CPQ: variants seen among roughly 807,000 people sequenced by gnomAD.
The protein encoded by CPQ is carboxypeptidase Q.
CPQ carries 37 observed loss-of-function variants against 45.7 expected under a neutral mutation model. That is an observed-to-expected ratio of 0.81 (90% CI 0.62 to 1.07). The LOEUF is 1.07. CPQ is among the 50% of genes least tolerant of loss of function. The pLI is 0.00. For missense variants in CPQ, 537 were observed against 572.9 expected, an observed-to-expected ratio of 0.94 and a Z score of 0.64; for synonymous variants, 186 against 205.8, an observed-to-expected ratio of 0.90 and a Z score of 0.82.
At chr8:96,951,053 G>T (rs543840997) in intron 4 of CPQ, among the ~76,000 whole-genome samples, 1 of 152,240 alleles carries the variant, frequency 6.6e-6, no homozygotes, top group African/African-American at 2.4e-5. Flanking sequence ...TTCATAAATT[G>T]TTATAGAGTT....
chr8:97,121,344 G>T (rs1586550993), intron 7 of CPQ, among the ~76,000 whole-genome samples: 2 of 152,298 alleles, frequency 1.3e-5, no homozygotes, highest in South Asian at 4.1e-4. Context: ...CAACAGGAAG[G>T]TTGTTGTTGG....
chr8:96,984,904 T>C (rs931284645), intron 5 of CPQ, among the ~76,000 whole-genome samples: 1 of 152,200 alleles, frequency 6.6e-6, no homozygotes, highest in Admixed American at 6.5e-5. Context: ...TTCACTGATA[T>C]GTTTATGAAC....
At chr8:96,736,508 A>G (rs1586379119) in intron 1 of CPQ, among the ~76,000 whole-genome samples, 2 of 152,336 alleles carry the variant, frequency 1.3e-5, no homozygotes, top group South Asian at 4.1e-4. Flanking sequence ...CACTTTTATG[A>G]CAACCTGAAC....
At chr8:96,797,686 G>A (rs1202615993) in intron 2 of CPQ, among the ~76,000 whole-genome samples, 2 of 152,114 alleles carry the variant, frequency 1.3e-5, no homozygotes, top group Non-Finnish European at 2.9e-5. Context: ...GGAGGCCGAG[G>A]CAGATGGATC....
intron 2 of CPQ, among the ~76,000 whole-genome samples, chr8:96,801,270 C>G (rs1381523331): frequency 6.6e-6 from 1 of 152,130 alleles, no homozygotes; most frequent in African/African-American, 2.4e-5. Flanking sequence ...AGCCACCATG[C>G]TGGCCTGAAT....
chr8:96,989,071 T>C (rs983549547), intron 5 of CPQ, among the ~76,000 whole-genome samples: 12 of 152,202 alleles, frequency 7.9e-5, no homozygotes, highest in African/African-American at 2.4e-4. Flanking sequence ...CACCATGCCT[T>C]CTGCACATTG....
At chr8:96,818,776 A>C (rs1175827562) in intron 2 of CPQ, among the ~76,000 whole-genome samples, 2 of 152,160 alleles carry the variant, frequency 1.3e-5, no homozygotes, top group African/African-American at 2.4e-5. Context: ...AACTGATAAC[A>C]TGGAACACAC....
chr8:96,672,271 A>G (rs1809014185), intron 1 of CPQ, among the ~76,000 whole-genome samples: 1 of 152,172 alleles, frequency 6.6e-6, no homozygotes, highest in Admixed American at 6.5e-5. Context: ...GAGGTTGTAT[A>G]GTACACAGTC....
At chr8:96,883,202 G>C (rs139606039) in intron 4 of CPQ, among the ~76,000 whole-genome samples, 1 of 152,230 alleles carries the variant, frequency 6.6e-6, no homozygotes, top group African/African-American at 2.4e-5. Context: ...GTGGTTTCTA[G>C]TTTTTGATTA....
At chr8:97,051,311 A>G (rs1271796266) in intron 6 of CPQ, among the ~76,000 whole-genome samples, 1 of 152,226 alleles carries the variant, frequency 6.6e-6, no homozygotes, top group Non-Finnish European at 1.5e-5. Context: ...TTATTAAAAT[A>G]TAGTTACCAA....
At chr8:97,087,406 G>GT (rs869309286) in intron 7 of CPQ, among the ~76,000 whole-genome samples, 1 of 120,064 alleles carries the variant, frequency 8.3e-6, no homozygotes, top group East Asian at 2.3e-4. Context: ...GTGCCGACTT[G>GT]GGGGGTCAAG....
chr8:96,846,984 T>C (rs1811700659), intron 3 of CPQ, among the ~76,000 whole-genome samples: 1 of 152,154 alleles, frequency 6.6e-6, no homozygotes, highest in Non-Finnish European at 1.5e-5. Context: ...CAGTTTGGAG[T>C]TGTTCCTCAT....
chr8:96,854,525 C>A (rs1215840394), intron 3 of CPQ, among the ~76,000 whole-genome samples: 1 of 25,734 alleles, frequency 3.9e-5, no homozygotes, highest in Admixed American at 4.9e-4. Flanking sequence ...AGCGAGACTC[C>A]GTCTCAAAAA....
intron 1 of CPQ, among the ~76,000 whole-genome samples, chr8:96,694,334 G>GT (rs1443454323): frequency 6.7e-6 from 1 of 149,830 alleles, no homozygotes; most frequent in Non-Finnish European, 1.5e-5. Flanking sequence ...TAACTGAATG[G>GT]TTTAAAAAAA....
chr8:96,742,731 A>C (rs1324427618), intron 1 of CPQ, among the ~76,000 whole-genome samples: 4 of 151,972 alleles, frequency 2.6e-5, no homozygotes, highest in Admixed American at 1.3e-4. Flanking sequence ...TCCTTAACTT[A>C]TGAAGCTTAG....
rs184731764 is a variant in CPQ at position 96,687,604 on chromosome 8, T to C, written c.-35+42202T>C. Among the ~76,000 whole-genome samples, 6 of 152,216 alleles carry C rather than the reference T, an allele frequency of 3.9e-5. No individual in the cohort carries two copies. In the East Asian group the frequency reaches 1.2e-3, roughly 29 times the overall value. On this transcript the variant is annotated intron_variant, in intron 1 of 7. Transcript: ENST00000220763. ...TTTCATTTTATTCTAACTTCTTGAG[T>C]GCTTATATTATCTCTTTCATTCTTT...
intron 1 of CPQ, among the ~76,000 whole-genome samples, chr8:96,735,096 T>C (rs1194187093): frequency 6.6e-6 from 1 of 152,218 alleles, no homozygotes; most frequent in African/African-American, 2.4e-5. Flanking sequence ...TGTATGTTTT[T>C]ATATCAAACA....
intron 4 of CPQ, among the ~76,000 whole-genome samples, chr8:96,910,365 AT>A (rs1812642300): frequency 6.6e-6 from 1 of 152,216 alleles, no homozygotes; most frequent in Non-Finnish European, 1.5e-5. Flanking sequence ...CCTTGTCACC[AT>A]TGTACAAGGA....
intron 6 of CPQ, among the ~76,000 whole-genome samples, chr8:97,061,294 C>A (rs1810546901): frequency 6.6e-6 from 1 of 152,064 alleles, no homozygotes; most frequent in Non-Finnish European, 1.5e-5. Flanking sequence ...TTGGCTTAAA[C>A]AAATTACTTT....
Sources: gnomAD v4.1 joint callset for allele counts (sites outside exome capture counted in the v4.1 genomes callset) on GRCh38, gnomAD v4.1.1 for gene constraint, MANE v1.5 for transcripts, NCBI Gene and HGNC (gene_info 2026-07-23, HGNC 2026-07-21) for gene names.